NTN4: variants seen among roughly 807,000 people sequenced by gnomAD.
NTN4 encodes netrin-4.
A neutral mutation model predicts 73.6 loss-of-function variants in NTN4; 32 were observed. The ratio of observed to expected loss-of-function variants is 0.44; its 90% CI spans 0.33 to 0.58. The LOEUF (loss-of-function observed/expected upper bound fraction) is 0.58. Among genes scored for constraint, NTN4 ranks in the 20% least tolerant of loss-of-function variants. NTN4 has a pLI of 0.04. For missense variants in NTN4, 654 were observed against 798.3 expected, an observed-to-expected ratio of 0.82 and a Z score of 2.18; for synonymous variants, 258 against 287.5, an observed-to-expected ratio of 0.90 and a Z score of 1.04.
intron 3 of NTN4, among the ~76,000 whole-genome samples, chr12:95,719,914 G>A (rs115574890): frequency 0.017 from 2,539 of 152,226 alleles, 65 homozygotes; most frequent in African/African-American, 0.058. Context: ...GAAATGAAAA[G>A]CTTTACTGCT....
chr12:95,713,712 C>T (rs922880528), intron 3 of NTN4, among the ~76,000 whole-genome samples: 4 of 152,068 alleles, frequency 2.6e-5, no homozygotes, highest in African/African-American at 7.2e-5. Flanking sequence ...TCCATAATCT[C>T]ATTGCAAAAT....
At chr12:95,766,653 G>A (rs1163167849) in intron 2 of NTN4, among the ~76,000 whole-genome samples, 1 of 152,162 alleles carries the variant, frequency 6.6e-6, no homozygotes, top group Non-Finnish European at 1.5e-5. Context: ...TATATAACGA[G>A]GTTTCTCATT....
intron 2 of NTN4, among the ~76,000 whole-genome samples, chr12:95,778,646 C>A (rs559997050): frequency 6.6e-6 from 1 of 152,224 alleles, no homozygotes; most frequent in South Asian, 2.1e-4. Flanking sequence ...CAATAACAGG[C>A]TCTGAAATTG....
intron 2 of NTN4, among the ~76,000 whole-genome samples, chr12:95,760,431 CT>C (rs1384960885): frequency 5.9e-5 from 9 of 152,172 alleles, no homozygotes; most frequent in African/African-American, 2.2e-4. Context: ...CTGGACTTCT[CT>C]TATGTAGCTT....
chr12:95,759,417 T>C (rs1486935397), intron 2 of NTN4, among the ~76,000 whole-genome samples: 2 of 152,150 alleles, frequency 1.3e-5, no homozygotes, highest in East Asian at 3.8e-4. Context: ...ATAGTTTCTA[T>C]TGTTATGCCT....
intron 2 of NTN4, among the ~76,000 whole-genome samples, chr12:95,760,827 T>C (rs2078982113): frequency 1.3e-5 from 2 of 152,174 alleles, no homozygotes; most frequent in Non-Finnish European, 2.9e-5. Context: ...TTGGGACTTT[T>C]GGAGTGTCAG....
chr12:95,724,326 A>C (rs576458209), intron 3 of NTN4, among the ~76,000 whole-genome samples: 1 of 152,348 alleles, frequency 6.6e-6, no homozygotes, highest in African/African-American at 2.4e-5. Flanking sequence ...TCCACTCTAT[A>C]GAACTGTTTC....
chr12:95,709,810 GA>G (rs1292646572), intron 5 of NTN4, among the ~76,000 whole-genome samples: 1 of 152,162 alleles, frequency 6.6e-6, no homozygotes, highest in African/African-American at 2.4e-5. Flanking sequence ...TGGGATTACA[GA>G]CATAAGGCAC....
chr12:95,773,072 G>A (rs1011112696), intron 2 of NTN4, among the ~76,000 whole-genome samples: 1 of 149,794 alleles, frequency 6.7e-6, no homozygotes, highest in South Asian at 2.1e-4. Flanking sequence ...GCACGATCTC[G>A]GCTCACTGCA....
At chr12:95,735,041 AAAAAC>A (rs946667283) in intron 3 of NTN4, among the ~76,000 whole-genome samples, 9 of 152,222 alleles carry the variant, frequency 5.9e-5, no homozygotes, top group Non-Finnish European at 8.8e-5. Flanking sequence ...CTCCATCTCA[AAAAAC>A]AAAACAAAAC....
intron 5 of NTN4, among the ~76,000 whole-genome samples, chr12:95,701,475 A>G (rs923349899): frequency 2.0e-5 from 3 of 152,174 alleles, no homozygotes; most frequent in Non-Finnish European, 2.9e-5. Context: ...CCCAGTCTTA[A>G]AAAAACAAAC....
At chr12:95,664,298 T>C (rs2078162229) in intron 9 of NTN4, among the ~76,000 whole-genome samples, 2 of 152,128 alleles carry the variant, frequency 1.3e-5, no homozygotes, top group Admixed American at 1.3e-4. Context: ...GCTCAAGCTA[T>C]CCTCCCACCT....
At chr12:95,753,886 A>G (rs2078928468) in intron 2 of NTN4, among the ~76,000 whole-genome samples, 1 of 152,058 alleles carries the variant, frequency 6.6e-6, no homozygotes, top group Non-Finnish European at 1.5e-5. Flanking sequence ...CCCCAAAAAA[A>G]CTTGTCATCC....
At chr12:95,722,928 C>T (rs1020464684) in intron 3 of NTN4, among the ~76,000 whole-genome samples, 7 of 123,460 alleles carry the variant, frequency 5.7e-5, no homozygotes, top group Non-Finnish European at 1.1e-4. Flanking sequence ...GAGCCAAGAT[C>T]GTGCCACTGC....
chr12:95,661,174 T>A (rs2078135284), intron 9 of NTN4, among the ~76,000 whole-genome samples: 1 of 152,200 alleles, frequency 6.6e-6, no homozygotes, highest in Non-Finnish European at 1.5e-5. Context: ...TTGTCATCTT[T>A]AGAGGTAGCT....
At chr12:95,761,856 C>T (rs964955797) in intron 2 of NTN4, among the ~76,000 whole-genome samples, 3 of 152,072 alleles carry the variant, frequency 2.0e-5, no homozygotes, top group African/African-American at 7.2e-5. Context: ...TAAGATAACT[C>T]TTCAGCTGTA....
chr12:95,766,453 A>C (rs2079022079), intron 2 of NTN4, among the ~76,000 whole-genome samples: 1 of 152,240 alleles, frequency 6.6e-6, no homozygotes, highest in East Asian at 1.9e-4. Flanking sequence ...TCATGGGATG[A>C]GAAACTGAAA....
intron 2 of NTN4, among the ~76,000 whole-genome samples, chr12:95,774,401 G>A (rs1184302982): frequency 5.3e-5 from 8 of 152,286 alleles, no homozygotes; most frequent in African/African-American, 9.6e-5. Flanking sequence ...AAGGGATGCA[G>A]CGCACTGGGA....
At chr12:95,702,849 T>TA (rs2078495308) in intron 5 of NTN4, among the ~76,000 whole-genome samples, 1 of 136,488 alleles carries the variant, frequency 7.3e-6, no homozygotes, top group Non-Finnish European at 1.6e-5. Flanking sequence ...ATGGTTTTTT[T>TA]TTTTTTTGGT....
Sources: gnomAD v4.1 joint callset for allele counts (sites outside exome capture counted in the v4.1 genomes callset) on GRCh38, gnomAD v4.1.1 for gene constraint, MANE v1.5 for transcripts, NCBI Gene and HGNC (gene_info 2026-07-23, HGNC 2026-07-21) for gene names.